The following LRMDA variants were observed in gnomAD, a reference collection of about 807,000 sequenced individuals.
The protein encoded by LRMDA is leucine rich melanocyte differentiation associated.
LRMDA carries 18 observed loss-of-function variants against 29.8 expected under a neutral mutation model. The observed-to-expected ratio is 0.60, with a 90% CI of 0.42 to 0.90. The LOEUF is 0.90. Ranked by LOEUF, LRMDA falls within the 40% of genes least tolerant of loss-of-function variation. The pLI, the probability that LRMDA is intolerant of heterozygous loss-of-function variation, is 0.00. For synonymous variants in LRMDA, 125 were observed against 109.4 expected (o/e 1.14, Z -0.89); for missense variants, 273 against 273.9 (o/e 1.00, Z 0.02).
intron 2 of LRMDA, among the ~76,000 whole-genome samples, chr10:75,962,549 A>G (rs546442839): frequency 6.6e-6 from 1 of 152,152 alleles, no homozygotes; most frequent in Non-Finnish European, 1.5e-5. Context: ...CATCTGAAAC[A>G]TGTGTGCACA....
chr10:75,859,759 T>C (rs1844891117), intron 2 of LRMDA, among the ~76,000 whole-genome samples: 1 of 152,182 alleles, frequency 6.6e-6, no homozygotes, highest in East Asian at 1.9e-4. Flanking sequence ...TGCTGTCAAA[T>C]AAACAGGTCT....
At chr10:76,121,066 A>C (rs559080112) in intron 5 of LRMDA, among the ~76,000 whole-genome samples, 1 of 151,762 alleles carries the variant, frequency 6.6e-6, no homozygotes, top group East Asian at 1.9e-4. Flanking sequence ...ACATTAGTTG[A>C]TATTGAAATG....
intron 2 of LRMDA, among the ~76,000 whole-genome samples, chr10:76,002,616 A>G (rs1369116309): frequency 6.6e-6 from 1 of 152,178 alleles, no homozygotes; most frequent in East Asian, 1.9e-4. Flanking sequence ...TTACCCAGTC[A>G]TGTGAGGGCA....
chr10:75,797,992 A>G (rs1427956061), intron 2 of LRMDA, among the ~76,000 whole-genome samples: 4 of 152,112 alleles, frequency 2.6e-5, no homozygotes, highest in African/African-American at 7.2e-5. Context: ...GTGAGTATAT[A>G]TTTTTATTTT....
intron 6 of LRMDA, among the ~76,000 whole-genome samples, chr10:76,483,952 C>T (rs996779015): frequency 1.9e-4 from 29 of 151,954 alleles, no homozygotes; most frequent in South Asian, 8.3e-4. Flanking sequence ...TAATACCATG[C>T]CATAGTAATT....
chr10:76,190,699 C>G (rs1851229049), intron 5 of LRMDA, among the ~76,000 whole-genome samples: 1 of 152,294 alleles, frequency 6.6e-6, no homozygotes, highest in Admixed American at 6.5e-5. Context: ...TCTAACAAAG[C>G]TGCCCTCCCT....
chr10:76,383,947 C>G (rs2132475248), intron 6 of LRMDA, among the ~76,000 whole-genome samples: 1 of 152,060 alleles, frequency 6.6e-6, no homozygotes, highest in African/African-American at 2.4e-5. Context: ...GTGACATTTA[C>G]TGATACCTGC....
Position 75,842,112 on chromosome 10 carries a change from C to G in LRMDA, c.132-193896C>G, listed in dbSNP as rs548606471. Among the ~76,000 whole-genome samples, 3 of 152,324 alleles carry G rather than the reference C, an allele frequency of 2.0e-5. No individual in the cohort carries two copies. The South Asian group carries it at 6.2e-4, about 32-fold the overall frequency. Reference sequence around the variant, plus strand: ...TGGGTTTACTCTAAGTCGGGGTTGGCAAACTATGGTCTGCTGCCTCTTTTC... The same window carrying G: ...TGGGTTTACTCTAAGTCGGGGTTGGGAAACTATGGTCTGCTGCCTCTTTTC... On this transcript the variant is annotated intron_variant, in intron 2 of 6. Transcript: ENST00000611255.
intron 2 of LRMDA, among the ~76,000 whole-genome samples, chr10:75,774,546 G>A (rs545508981): frequency 3.3e-5 from 5 of 152,230 alleles, no homozygotes; most frequent in African/African-American, 4.8e-5. Flanking sequence ...AGGCCAAGTT[G>A]AGAACGATGA....
chr10:75,448,725 T>A lies in LRMDA; in HGVS notation c.131+10231T>A, dbSNP rs569348628. ...GTTGAGAAAGACCTCTGGGGCCCTG[T>A]TGGAGATGGCTGGCAGAATGGTTCT... On this transcript the variant is annotated intron_variant, in intron 2 of 6. Coordinates refer to ENST00000611255, the MANE Select transcript of LRMDA (RefSeq NM_001305581.2). Among the ~76,000 whole-genome samples, 6 of 152,288 alleles carry A rather than the reference T, an allele frequency of 3.9e-5. No individual in the cohort carries two copies. The South Asian group carries it at 1.2e-3, about 32-fold the overall frequency.
At chr10:76,450,349 C>T (rs1263541228) in intron 6 of LRMDA, among the ~76,000 whole-genome samples, 1 of 151,912 alleles carries the variant, frequency 6.6e-6, no homozygotes, top group African/African-American at 2.4e-5. Flanking sequence ...TCTCATTCCT[C>T]TTTTCATTTT....
intron 2 of LRMDA, among the ~76,000 whole-genome samples, chr10:75,522,779 T>C (rs1244558406): frequency 6.6e-6 from 1 of 152,078 alleles, no homozygotes; most frequent in Non-Finnish European, 1.5e-5. Flanking sequence ...AAAGGGCAGG[T>C]ATGTGGAGAG....
chr10:75,528,175 T>G (rs193296097), intron 2 of LRMDA, among the ~76,000 whole-genome samples: 115 of 152,258 alleles, frequency 7.6e-4, no homozygotes, highest in East Asian at 6.9e-3. Flanking sequence ...CCAATCTGAT[T>G]TATACTGGAT....
chr10:76,084,442 T>C (rs988940286), intron 5 of LRMDA, among the ~76,000 whole-genome samples: 1 of 132,830 alleles, frequency 7.5e-6, no homozygotes, highest in South Asian at 2.5e-4. Flanking sequence ...CTTGAACTCC[T>C]GACCTCAAGT....
At chr10:75,857,840 A>G (rs972104135) in intron 2 of LRMDA, among the ~76,000 whole-genome samples, 3 of 152,216 alleles carry the variant, frequency 2.0e-5, no homozygotes, top group Non-Finnish European at 4.4e-5. Flanking sequence ...CTTTCAGACG[A>G]TCTTCATTCA....
At chr10:75,621,973 G>A (rs1158287875) in intron 2 of LRMDA, among the ~76,000 whole-genome samples, 2 of 152,152 alleles carry the variant, frequency 1.3e-5, no homozygotes, top group Admixed American at 1.3e-4. Context: ...CTGTGAAGGG[G>A]TTTTAGCCAT....
chr10:76,405,173 G>A (rs921123968), intron 6 of LRMDA, among the ~76,000 whole-genome samples: 3 of 152,068 alleles, frequency 2.0e-5, no homozygotes, highest in African/African-American at 7.2e-5. Context: ...AATACAATTG[G>A]CAGGACCCAG....
intron 5 of LRMDA, among the ~76,000 whole-genome samples, chr10:76,280,553 CCT>C (rs1261838713): frequency 2.6e-5 from 4 of 151,940 alleles, no homozygotes; most frequent in African/African-American, 9.7e-5. Context: ...TTATTCAGCC[CCT>C]GTTTGTTTGG....
At chr10:76,302,264 A>T (rs777884942) in intron 5 of LRMDA, among the ~76,000 whole-genome samples, 1 of 152,208 alleles carries the variant, frequency 6.6e-6, no homozygotes, top group African/African-American at 2.4e-5. Context: ...GGATGTGTTC[A>T]TGGGAAGAGA....
Sources: allele counts gnomAD v4.1 joint callset (sites outside exome capture counted in the v4.1 genomes callset), GRCh38; gene constraint gnomAD v4.1.1; transcripts MANE v1.5; gene names NCBI Gene and HGNC (gene_info 2026-07-23, HGNC 2026-07-21).